AQR: variants seen among roughly 807,000 people sequenced by gnomAD.
AQR encodes the protein aquarius intron-binding spliceosomal factor.
A neutral mutation model predicts 180.5 loss-of-function variants in AQR; 61 were observed. That is an observed-to-expected ratio of 0.34 (90% CI 0.28 to 0.42). The LOEUF is 0.42. Among genes scored for constraint, AQR ranks in the 10% least tolerant of loss-of-function variants. AQR has a pLI of 1.00. For missense variants in AQR, 1,281 were observed against 1,798.3 expected, an observed-to-expected ratio of 0.71 and a Z score of 5.20; for synonymous variants, 551 against 588.8, an observed-to-expected ratio of 0.94 and a Z score of 0.93.
intron 27 of AQR, among the ~76,000 whole-genome samples, chr15:34,877,997 A>G (rs915419601): frequency 1.3e-5 from 2 of 152,280 alleles, no homozygotes; most frequent in African/African-American, 2.4e-5. Flanking sequence ...CAGACTTTAA[A>G]TTCTTAGAAA....
At chr15:34,968,780 G>A (rs1474468542) in intron 1 of AQR, among the ~76,000 whole-genome samples, 1 of 152,232 alleles carries the variant, frequency 6.6e-6, no homozygotes, top group Non-Finnish European at 1.5e-5. Context: ...ATGTAGAAAT[G>A]TAGGGACTAA....
Position 34,914,542 on chromosome 15 carries a change from C to T in AQR, c.1484+496G>A, listed in dbSNP as rs12594407. Among the ~76,000 whole-genome samples, 420 of 152,244 alleles carry T rather than the reference C, an allele frequency of 2.8e-3. 9 individuals are homozygous for T. In the East Asian group the frequency reaches 0.064, roughly 23 times the overall value. The stretch of plus-strand genomic sequence containing the variant: ...ACAGAGATTTTCTAATGTACCACCC[C>T]GGGCAATGTGCAGCAACAGCCCTAA... On this transcript the variant is annotated intron_variant, in intron 16 of 34. Coordinates refer to ENST00000156471, the MANE Select transcript of AQR (RefSeq NM_014691.3).
At chr15:34,923,546 T>C (rs1893713006) in intron 13 of AQR, among the ~76,000 whole-genome samples, 1 of 152,228 alleles carries the variant, frequency 6.6e-6, no homozygotes, top group Non-Finnish European at 1.5e-5. Context: ...TTTTCTCCCA[T>C]ACTTCCTAGA....
At chr15:34,914,546 C>G (rs1166377366) in intron 16 of AQR, among the ~76,000 whole-genome samples, 2 of 152,172 alleles carry the variant, frequency 1.3e-5, no homozygotes, top group Non-Finnish European at 2.9e-5. Context: ...CCACCCCGGG[C>G]AATGTGCAGC....
intron 27 of AQR, 27 bp downstream of exon 27, chr15:34,882,475 A>C (rs767866340): frequency 2.8e-6 from 4 of 1,450,646 alleles, no homozygotes; most frequent in Non-Finnish European, 3.6e-6. Context: ...TAAAAAAAAA[A>C]AAAAAAAAAC....
chr15:34,867,778 C>T, intron 31 of AQR, 169 bp from the exon 32 acceptor site: 2 of 556,474 alleles, frequency 3.6e-6, no homozygotes, highest in Non-Finnish European at 6.3e-6. Context: ...ATTAAAGAAA[C>T]CATACTAATC....
chr15:34,863,155 G>A (rs997618504), intron 32 of AQR, 114 bp from the exon 33 acceptor site: 2 of 992,300 alleles, frequency 2.0e-6, no homozygotes, highest in Non-Finnish European at 2.8e-6. Context: ...GCAATAAAAA[G>A]TTAAGCTTCT....
chr15:34,920,316 G>T lies in AQR; in HGVS notation c.1221+16C>A. ...AGGAAAACCACATGCAAAATTCAGA[G>T]AACATTAATATTTACCAGCAATTCT... On this transcript the variant is annotated intron_variant, in intron 14 of 34. Transcript: ENST00000156471. The T allele has an allele frequency of 1.3e-6, 2 of 1,560,978 alleles. No homozygotes were observed. The highest frequency in any genetic ancestry group is 2.3e-5 in the South Asian group (2 of 88,708).
chr15:34,945,625 C>T (rs1361063023), intron 5 of AQR, among the ~76,000 whole-genome samples: 1 of 152,192 alleles, frequency 6.6e-6, no homozygotes, highest in Non-Finnish European at 1.5e-5. Flanking sequence ...CCTAGGCTCT[C>T]TTGATAGTGA....
intron 25 of AQR, among the ~76,000 whole-genome samples, chr15:34,885,865 A>G (rs2140468983): frequency 6.6e-6 from 1 of 152,340 alleles, no homozygotes; most frequent in Non-Finnish European, 1.5e-5. Context: ...TACAATTGGC[A>G]TTAGAACAAA....
chr15:34,890,490 AT>A (rs1893127834), intron 23 of AQR, among the ~76,000 whole-genome samples, 166 bp from the exon 24 acceptor site: 1 of 152,232 alleles, frequency 6.6e-6, no homozygotes, highest in Non-Finnish European at 1.5e-5. Context: ...ATCTATGTCT[AT>A]TTGGCTGTAT....
chr15:34,916,290 T>A (rs1165976126), intron 15 of AQR, among the ~76,000 whole-genome samples: 1 of 152,226 alleles, frequency 6.6e-6, no homozygotes, highest in Non-Finnish European at 1.5e-5. Context: ...GTTTGTATGT[T>A]ATTCCAGACT....
At chr15:34,858,338 A>G (rs907471009) in intron 34 of AQR, among the ~76,000 whole-genome samples, 9 of 151,378 alleles carry the variant, frequency 5.9e-5, no homozygotes, top group South Asian at 4.1e-4. Flanking sequence ...AAAAAAAAAA[A>G]AAAGAAAACG....
intron 26 of AQR, among the ~76,000 whole-genome samples, chr15:34,883,019 G>A (rs1443645090): frequency 1.3e-5 from 2 of 152,108 alleles, no homozygotes; most frequent in Non-Finnish European, 2.9e-5. Context: ...GAACTATAAA[G>A]GTAATGTAAC....
At chr15:34,861,740 A>G (rs200970516) in intron 33 of AQR, among the ~76,000 whole-genome samples, 1 of 152,082 alleles carries the variant, frequency 6.6e-6, no homozygotes, top group East Asian at 1.9e-4. Flanking sequence ...ATGTGACCCT[A>G]CCACCCCATG....
chr15:34,918,319 A>C lies in AQR; in HGVS notation c.1281T>G (p.Tyr427Ter), dbSNP rs761608110. 1 of 1,613,854 alleles carries C rather than the reference A, an allele frequency of 6.2e-7. No individual in the cohort carries two copies. Among genetic ancestry groups the C allele is most frequent in the Non-Finnish European group, 8.5e-7 (1 of 1,179,864 alleles). Residue 427 changes from tyrosine (Y) to a stop codon, truncating the protein, a stop_gained, in exon 15 of 35, where the codon TAT becomes TAG. Coordinates refer to ENST00000156471, the MANE Select transcript of AQR (RefSeq NM_014691.3). LOFTEE classifies it high-confidence loss of function. ...CATCCCATATAATTTTCTCAGTTGG[A>C]TACAAAGGCATCTGGTTCAACTGCT... ...QIQQLNQMPLYPTEKIIWDEN... is the reference protein window; with the variant it reads ...QIQQLNQMPL
chr15:34,897,820 T>A, intron 20 of AQR, 115 bp from the exon 21 acceptor site: 1 of 1,118,854 alleles, frequency 8.9e-7, no homozygotes, highest in Non-Finnish European at 1.3e-6. Flanking sequence ...ATTTCTGGCT[T>A]AAAGGAACGA....
chr15:34,860,935 C>T (rs80151871), intron 33 of AQR, among the ~76,000 whole-genome samples: 2,035 of 152,202 alleles, frequency 0.013, 48 homozygotes, highest in African/African-American at 0.047. Context: ...AGAAACACTG[C>T]TCTATAAGTG....
intron 30 of AQR, among the ~76,000 whole-genome samples, chr15:34,871,802 T>C (rs890725383): frequency 3.9e-5 from 6 of 151,998 alleles, no homozygotes; most frequent in Non-Finnish European, 8.8e-5. Context: ...TGGTTTACTG[T>C]TAAATTACAG....
Sources: allele counts gnomAD v4.1 joint callset (sites outside exome capture counted in the v4.1 genomes callset), GRCh38; gene constraint gnomAD v4.1.1; transcripts MANE v1.5; gene names NCBI Gene and HGNC (gene_info 2026-07-23, HGNC 2026-07-21).